Variants in DNAH12 observed in about 807,000 individuals in gnomAD.
The protein encoded by DNAH12 is dynein axonemal heavy chain 12.
DNAH12 carries 285 observed loss-of-function variants against 371.5 expected under a neutral mutation model. That is an observed-to-expected ratio of 0.77 (90% CI 0.70 to 0.85). DNAH12 has a LOEUF of 0.85. Among genes scored for constraint, DNAH12 ranks in the 40% least tolerant of loss-of-function variants. The pLI is 0.00. For missense variants in DNAH12, 3,611 were observed against 3,689.4 expected (o/e 0.98, Z 0.55); for synonymous variants, 1,200 against 1,213.0 (o/e 0.99, Z 0.22).
intron 2 of DNAH12, 84 bp from the exon 3 acceptor site, chr3:57,523,968 C>A: frequency 1.0e-6 from 1 of 964,060 alleles, no homozygotes; most frequent in Non-Finnish European, 1.5e-6. Flanking sequence ...ATTTTTCCAA[C>A]TATACTAAGA....
Position 57,523,510 on chromosome 3 carries a change from G to T in DNAH12, c.279+73C>A, listed in dbSNP as rs947383175. 28 of 1,268,098 alleles carry T rather than the reference G, an allele frequency of 2.2e-5. No individual in the cohort carries two copies. In the Admixed American group the frequency reaches 4.2e-4, roughly 19 times the overall value. 78.6% of individuals were successfully genotyped at this position (1,268,098 alleles called of 1,614,324 possible). A position where few individuals can be genotyped will look rare whatever the true frequency, so the allele number is the denominator to read the frequency against. ...TTTCTAGAATGGGACTTAGCAGGTG[G>T]TCTTAGATGAAACTACTTTGCAATA... On this transcript the variant is annotated intron_variant, in intron 4 of 73. Transcript: ENST00000495027.
chr3:57,294,702 C>T (rs1471258296), intron 73 of DNAH12, among the ~76,000 whole-genome samples: 1 of 152,124 alleles, frequency 6.6e-6, no homozygotes, highest in African/African-American at 2.4e-5. Context: ...TTAGAAGAAG[C>T]TGACGTTTCT....
intron 4 of DNAH12, 126 bp downstream of exon 4, chr3:57,523,456 TA>T: frequency 2.7e-6 from 2 of 748,542 alleles, no homozygotes; most frequent in East Asian, 3.3e-5. Flanking sequence ...GAAGAGAAAA[TA>T]AAAACCTCAG....
intron 60 of DNAH12, among the ~76,000 whole-genome samples, chr3:57,344,625 ACTT>A (rs1553657459): frequency 6.6e-6 from 1 of 152,148 alleles, no homozygotes; most frequent in Non-Finnish European, 1.5e-5. Flanking sequence ...AAGAATGAAA[ACTT>A]CTCATTTGTG....
chr3:57,542,571 T>C, intron 2 of DNAH12, 130 bp downstream of exon 2: 1 of 1,045,212 alleles, frequency 9.6e-7, no homozygotes, highest in Admixed American at 3.1e-5. Context: ...TTCAATTGTT[T>C]TTCTAATTAA....
At chr3:57,302,373 C>T in intron 69 of DNAH12, among the ~76,000 whole-genome samples, 1 of 151,258 alleles carries the variant, frequency 6.6e-6, no homozygotes, top group Non-Finnish European at 1.5e-5. Context: ...AAATACTTTA[C>T]TTGCACTTAG....
intron 51 of DNAH12, 74 bp from the exon 52 acceptor site, chr3:57,379,372 C>T (rs2063341031): frequency 1.3e-5 from 2 of 151,872 alleles, no homozygotes; most frequent in Non-Finnish European, 2.9e-5. Flanking sequence ...AAATCATATA[C>T]AATAAAAACA....
In DNAH12 at chr3:57,405,035, A is replaced by C; in HGVS notation, c.6689T>G (p.Val2230Gly). 6.5e-7 allele frequency: 1 copy of C among 1,546,324 alleles called. No homozygotes were observed. Among genetic ancestry groups the C allele is most frequent in the Non-Finnish European group, 8.7e-7 (1 of 1,145,436 alleles). ...ATACTCATCTAAGCACTGGTCCACAACATCACTAAAATGATGAATATTTGG... is the reference window on the plus strand; with the variant it reads ...ATACTCATCTAAGCACTGGTCCACACCATCACTAAAATGATGAATATTTGG... ...EIPNIHHFSD[V>G]VDQCLDEYNQ... The change falls in exon 42 of 74, where the codon GTT becomes GGT. Residue 2230 changes from valine to glycine, a missense_variant. Physicochemically the swap from Val to Gly is moderately radical, Grantham distance 109. Around this residue, in one of 3 missense-constraint regions of DNAH12, gnomAD observed 2,266 missense variants for 2,236.9 expected, o/e 1.01. Transcript: ENST00000495027.
At chr3:57,498,795 C>G (rs546676377) in intron 11 of DNAH12, among the ~76,000 whole-genome samples, 1 of 152,074 alleles carries the variant, frequency 6.6e-6, no homozygotes, top group East Asian at 1.9e-4. Context: ...GTCAGGAGGT[C>G]GAGACCATCC....
intron 50 of DNAH12, among the ~76,000 whole-genome samples, chr3:57,381,778 C>T (rs2063396930): frequency 6.6e-6 from 1 of 152,078 alleles, no homozygotes; most frequent in Non-Finnish European, 1.5e-5. Context: ...TGGAAAAGTA[C>T]AGGCACCTCA....
At chr3:57,526,475 T>C (rs912269968) in intron 2 of DNAH12, among the ~76,000 whole-genome samples, 1 of 151,932 alleles carries the variant, frequency 6.6e-6, no homozygotes, top group Middle Eastern at 3.4e-3. Flanking sequence ...GGCTACTCCA[T>C]AGACAGAGCA....
At chr3:57,329,110 C>T (rs1426349418) in intron 62 of DNAH12, among the ~76,000 whole-genome samples, 1 of 148,688 alleles carries the variant, frequency 6.7e-6, no homozygotes, top group African/African-American at 2.5e-5. Context: ...TAGGAAGAAT[C>T]AATATTGTGA....
intron 2 of DNAH12, among the ~76,000 whole-genome samples, chr3:57,537,874 G>A (rs1449244497): frequency 6.6e-6 from 1 of 151,886 alleles, no homozygotes; most frequent in Non-Finnish European, 1.5e-5. Flanking sequence ...TAGCAGAGAC[G>A]GTGTTTCACC....
chr3:57,429,591 T>C, intron 33 of DNAH12, 100 bp downstream of exon 33: 4 of 1,085,122 alleles, frequency 3.7e-6, no homozygotes, highest in Non-Finnish European at 5.3e-6. Flanking sequence ...ATATTCCTAG[T>C]GCCTAACCCA....
chr3:57,415,535 G>T lies in DNAH12; in HGVS notation c.5744C>A (p.Thr1915Lys). ...ATCCTTCACATACACAGATTTTCCT[G>T]TACCCGTTGGACCCACAAAAAGGAG... ...KPLLFVGPTGTGKSVYVKDKL... is the reference protein window; with the variant it reads ...KPLLFVGPTGKGKSVYVKDKL... The change falls in exon 38 of 74, where the codon ACA becomes AAA. Residue 1915 changes from threonine to lysine, a missense_variant. By Grantham distance (78) the Thr-to-Lys change is moderately conservative. Coordinates refer to ENST00000495027, the MANE Select transcript of DNAH12 (RefSeq NM_001366028.2). The T allele has an allele frequency of 6.5e-7, 1 of 1,548,726 alleles. No homozygotes were observed. The highest frequency in any genetic ancestry group is 8.7e-7 in the Non-Finnish European group (1 of 1,146,406).
Position 57,314,693 on chromosome 3 carries a change from A to G in DNAH12, c.10525-62T>C, listed in dbSNP as rs1332555398. On this transcript the variant is annotated intron_variant, in intron 65 of 73. Transcript: ENST00000495027. ...CCGGTCAGATTCCATCAGTAAAATG[A>G]GAGGAATAGATAAATGATCTTTCTC... is the stretch of plus-strand genomic sequence containing the variant. The G allele has an allele frequency of 2.7e-6, 4 of 1,456,580 alleles. No homozygotes were observed. The African/African-American group carries it at 5.8e-5, about 21-fold the overall frequency. The allele number at this position is 1,456,580 out of a possible 1,614,324, so 90.2% of individuals were successfully genotyped here.
chr3:57,483,586 G>A (rs150105536), intron 12 of DNAH12, 75 bp from the exon 13 acceptor site: 37 of 1,394,814 alleles, frequency 2.7e-5, no homozygotes, highest in Middle Eastern at 2.0e-4. Context: ...GTGTTATGAC[G>A]ATTACTATAA....
At chr3:57,536,091 T>C (rs1453775257) in intron 2 of DNAH12, among the ~76,000 whole-genome samples, 2 of 152,106 alleles carry the variant, frequency 1.3e-5, no homozygotes, top group African/African-American at 4.8e-5. Flanking sequence ...CACCTTGGCC[T>C]CCCAAAGTGC....
chr3:57,299,030 A>G lies in DNAH12; in HGVS notation c.11395-2046T>C, dbSNP rs534816723. Among the ~76,000 whole-genome samples, 5 of 152,326 alleles carry G rather than the reference A, an allele frequency of 3.3e-5. No homozygotes were observed. The East Asian group carries it at 7.7e-4, about 24-fold the overall frequency. On this transcript the variant is annotated intron_variant, in intron 70 of 73. Coordinates refer to ENST00000495027, the MANE Select transcript of DNAH12 (RefSeq NM_001366028.2). ...TCTGGGAAGAAGCCAGTTTTGCTCCATAGGAGGAAGAGAACAAACTGCTGC... is the reference window on the plus strand; with the variant it reads ...TCTGGGAAGAAGCCAGTTTTGCTCCGTAGGAGGAAGAGAACAAACTGCTGC...
Sources: gnomAD v4.1 joint callset for allele counts (sites outside exome capture counted in the v4.1 genomes callset) on GRCh38, gnomAD v4.1.1 for gene constraint, gnomAD v4.1.1 regional missense constraint, MANE v1.5 for transcripts, NCBI Gene and HGNC (gene_info 2026-07-23, HGNC 2026-07-21) for gene names.